Variants in NELL1 observed in about 807,000 individuals in gnomAD.
NELL1 encodes the protein neural EGFL like 1, also known as protein kinase C-binding protein NELL1.
A neutral mutation model predicts 107.4 loss-of-function variants in NELL1; 76 were observed. The ratio of observed to expected loss-of-function variants is 0.71; its 90% CI spans 0.59 to 0.86. NELL1 has a LOEUF of 0.86. NELL1 is among the 40% of genes least tolerant of loss of function. The pLI is 0.00. For synonymous variants in NELL1, 353 were observed against 341.2 expected (o/e 1.03, Z -0.38); for missense variants, 1,024 against 1,005.5 (o/e 1.02, Z -0.25).
intron 13 of NELL1, among the ~76,000 whole-genome samples, chr11:21,132,435 C>A (rs1306574679): frequency 6.6e-6 from 1 of 152,162 alleles, no homozygotes; most frequent in Non-Finnish European, 1.5e-5. Context: ...CCACATCTGT[C>A]AAGGGTGAGC....
chr11:20,894,926 A>T (rs996444989), intron 5 of NELL1, among the ~76,000 whole-genome samples: 1 of 152,130 alleles, frequency 6.6e-6, no homozygotes, highest in African/African-American at 2.4e-5. Flanking sequence ...TTGCCTGAGT[A>T]TAATACATTT....
At chr11:20,893,855 TAA>T (rs10658756) in intron 5 of NELL1, among the ~76,000 whole-genome samples, 4 of 127,176 alleles carry the variant, frequency 3.1e-5, no homozygotes, top group Non-Finnish European at 4.9e-5. Context: ...GTGAGGTAGT[TAA>T]AAAAAAAAAA....
chr11:21,567,950 A>C (rs760840555), intron 17 of NELL1, among the ~76,000 whole-genome samples: 8 of 151,856 alleles, frequency 5.3e-5, no homozygotes, highest in Admixed American at 1.3e-4. Flanking sequence ...ATGAGGTTTT[A>C]GTCTTCATTA....
At chr11:21,345,472 G>GCCATTCTCTCCATTTCATTT (rs1850663590) in intron 14 of NELL1, among the ~76,000 whole-genome samples, 1 of 152,180 alleles carries the variant, frequency 6.6e-6, no homozygotes, top group Non-Finnish European at 1.5e-5. Flanking sequence ...AGTTGACAGA[G>GCCATTCTCTCCATTTCATTT]CAGGGGCCAT....
intron 13 of NELL1, 67 bp downstream of exon 13, chr11:21,113,781 T>G: frequency 6.6e-7 from 1 of 1,511,870 alleles, no homozygotes; most frequent in South Asian, 1.3e-5. Context: ...TGTGTTATTA[T>G]GTTTAATTCC....
intron 12 of NELL1, among the ~76,000 whole-genome samples, chr11:21,003,405 C>T (rs1029275092): frequency 6.6e-6 from 1 of 152,068 alleles, no homozygotes; most frequent in Admixed American, 6.6e-5. Flanking sequence ...TACTAAAATG[C>T]CAGTTTTTTT....
intron 12 of NELL1, among the ~76,000 whole-genome samples, chr11:21,045,804 T>A (rs911302099): frequency 2.0e-5 from 3 of 152,186 alleles, no homozygotes; most frequent in African/African-American, 7.2e-5. Context: ...TCAGAATAAC[T>A]GCCTTTTAAA....
intron 5 of NELL1, among the ~76,000 whole-genome samples, chr11:20,911,872 A>G (rs532791312): frequency 2.5e-4 from 38 of 152,294 alleles, no homozygotes; most frequent in African/African-American, 8.9e-4. Flanking sequence ...TAGGGGAAAT[A>G]TGTCAGTGTC....
At chr11:20,842,267 A>T (rs1158217549) in intron 3 of NELL1, among the ~76,000 whole-genome samples, 3 of 151,946 alleles carry the variant, frequency 2.0e-5, no homozygotes, top group Admixed American at 1.3e-4. Flanking sequence ...AATCCCAGCT[A>T]CTCAGGAGGC....
At chr11:21,503,482 A>G (rs1481475144) in intron 15 of NELL1, among the ~76,000 whole-genome samples, 1 of 152,148 alleles carries the variant, frequency 6.6e-6, no homozygotes, top group East Asian at 1.9e-4. Context: ...CACTTTTGCT[A>G]TTTTTCTTGG....
At chr11:20,981,563 C>A (rs1030543432) in intron 12 of NELL1, among the ~76,000 whole-genome samples, 1 of 152,154 alleles carries the variant, frequency 6.6e-6, no homozygotes, top group Admixed American at 6.5e-5. Flanking sequence ...CTGAGCAGAG[C>A]AGAGCCATAC....
chr11:21,070,120 C>T (rs2134377166), intron 12 of NELL1, among the ~76,000 whole-genome samples: 1 of 151,528 alleles, frequency 6.6e-6, no homozygotes, highest in Middle Eastern at 3.4e-3. Flanking sequence ...TGAGTCACTC[C>T]AAGGCTGTTT....
At chr11:21,106,379 T>C (rs554435720) in intron 12 of NELL1, among the ~76,000 whole-genome samples, 2 of 152,296 alleles carry the variant, frequency 1.3e-5, no homozygotes, top group South Asian at 4.1e-4. Flanking sequence ...AGTTAATCCA[T>C]TTAAAGCACT....
intron 12 of NELL1, among the ~76,000 whole-genome samples, chr11:21,007,807 T>G (rs1852362239): frequency 6.6e-6 from 1 of 152,162 alleles, no homozygotes; most frequent in Non-Finnish European, 1.5e-5. Context: ...AAAGACATTT[T>G]GAAGTTAAGG....
chr11:21,413,538 G>C (rs1224818058), intron 15 of NELL1, among the ~76,000 whole-genome samples: 1 of 151,984 alleles, frequency 6.6e-6, no homozygotes. Context: ...GATTTCCACA[G>C]AGGTTCTGTG....
chr11:20,730,072 G>A (rs984039941), intron 2 of NELL1, among the ~76,000 whole-genome samples: 1 of 152,174 alleles, frequency 6.6e-6, no homozygotes, highest in African/African-American at 2.4e-5. Context: ...CTTCCCCGTT[G>A]AAACAAATAA....
chr11:20,711,153 A>T (rs1299818463), intron 2 of NELL1, among the ~76,000 whole-genome samples: 1 of 152,076 alleles, frequency 6.6e-6, no homozygotes, highest in African/African-American at 2.4e-5. Flanking sequence ...TTTTTGATGT[A>T]GGCATTTAAT....
At chr11:21,005,959 C>A (rs151104245) in intron 12 of NELL1, among the ~76,000 whole-genome samples, 210 of 152,112 alleles carry the variant, frequency 1.4e-3, no homozygotes, top group African/African-American at 4.8e-3. Flanking sequence ...TTATTAGTGG[C>A]CTTGAGCAAC....
intron 2 of NELL1, among the ~76,000 whole-genome samples, chr11:20,686,840 G>A (rs75648200): frequency 0.012 from 1,799 of 152,030 alleles, 23 homozygotes; most frequent in Non-Finnish European, 0.015. Context: ...AAAACTCTAG[G>A]CATTGAAGTG....
Sources: gnomAD v4.1 joint callset for allele counts (sites outside exome capture counted in the v4.1 genomes callset) on GRCh38, gnomAD v4.1.1 for gene constraint, MANE v1.5 for transcripts, NCBI Gene and HGNC (gene_info 2026-07-23, HGNC 2026-07-21) for gene names.